The following GABRP variants were observed in gnomAD, a reference collection of about 807,000 sequenced individuals.
The protein encoded by GABRP is gamma-aminobutyric acid receptor subunit pi.
In GABRP, 52 loss-of-function variants were observed where a neutral mutation model predicts 47.8. That is an observed-to-expected ratio of 1.09 (90% CI 0.87 to 1.37). The LOEUF is 1.37. GABRP is among the 40% of genes most tolerant of loss of function. The pLI, the probability that GABRP is intolerant of heterozygous loss-of-function variation, is 0.00. For missense variants in GABRP, 525 were observed against 542.8 expected (o/e 0.97, Z 0.33); for synonymous variants, 221 against 205.8 (o/e 1.07, Z -0.63).
At chr5:170,797,422 A>G (rs777633313) in intron 5 of GABRP, 44 bp from the exon 6 acceptor site, 2 of 1,234,892 alleles carry the variant, frequency 1.6e-6, no homozygotes, top group Middle Eastern at 1.9e-4. Flanking sequence ...AACTTTCTAT[A>G]ACTTCCTCAC....
chr5:170,794,748 C>A (rs1361836416), intron 4 of GABRP, among the ~76,000 whole-genome samples: 1 of 151,912 alleles, frequency 6.6e-6, no homozygotes, highest in Non-Finnish European at 1.5e-5. Flanking sequence ...ATATTCGAGA[C>A]AAGGGCAAAC....
At chr5:170,809,891 C>T (rs922735109) in intron 9 of GABRP, 136 bp downstream of exon 9, 10 of 815,820 alleles carry the variant, frequency 1.2e-5, no homozygotes, top group Non-Finnish European at 2.0e-5. Context: ...TATCCTTGTT[C>T]AGGTGGGAGC....
intron 6 of GABRP, among the ~76,000 whole-genome samples, chr5:170,801,523 C>A (rs1765589886): frequency 6.6e-6 from 1 of 152,190 alleles, no homozygotes; most frequent in Non-Finnish European, 1.5e-5. Context: ...AGTTCCCTTG[C>A]ATTACCTAGG....
chr5:170,797,492 TG>T lies in GABRP; in HGVS notation c.487del (p.Asp163IlefsTer31). 6.2e-7 allele frequency: 1 copy of T among 1,612,736 alleles called. No individual in the cohort carries two copies. Among genetic ancestry groups the T allele is most frequent in the East Asian group, 2.2e-5 (1 of 44,880 alleles). On this transcript the variant is annotated frameshift_variant, in exon 6 of 10. Coordinates refer to ENST00000265294, the MANE Select transcript of GABRP (RefSeq NM_014211.3). LOFTEE classifies it high-confidence loss of function. ...LRITTTVACN[M>X]DLSKYPMDTQ... ...ATCACGACAACTGTTGCATGTAACA[TG>T]GATCTGTCTAAATACCCCATGGACA... is the stretch of plus-strand genomic sequence containing the variant.
rs1401021445 is a variant in GABRP at position 170,788,980 on chromosome 5, AAG to A, written c.54-145_54-144del. ...GATACTAACTCAATAGCTGAAAACT[AAG>A]AGATTTTTCTGTAGGAATGTCACTG... On this transcript the variant is annotated intron_variant, in intron 2 of 9. Coordinates refer to ENST00000265294, the MANE Select transcript of GABRP (RefSeq NM_014211.3). 6 of 700,394 alleles carry A rather than the reference AAG, an allele frequency of 8.6e-6. No individual in the cohort carries two copies. The African/African-American group carries it at 8.9e-5, about 10-fold the overall frequency. The allele number at this position is 700,394 out of a possible 1,614,324, so 43.4% of individuals were successfully genotyped here. A position where few individuals can be genotyped will look rare whatever the true frequency, so the allele number is the denominator to read the frequency against.
intron 1 of GABRP, among the ~76,000 whole-genome samples, chr5:170,787,959 C>T (rs1475092667): frequency 2.6e-5 from 4 of 152,158 alleles, no homozygotes; most frequent in Non-Finnish European, 5.9e-5. Flanking sequence ...AGCCTTGGCT[C>T]CCAGCAGATA....
chr5:170,786,585 A>G (rs1581585842), intron 1 of GABRP, among the ~76,000 whole-genome samples: 1 of 152,150 alleles, frequency 6.6e-6, no homozygotes, highest in Non-Finnish European at 1.5e-5. Flanking sequence ...TTCATGGTGC[A>G]CTCATTAAGA....
chr5:170,788,257 G>A, intron 1 of GABRP: 1 of 186,966 alleles, frequency 5.3e-6, no homozygotes, highest in South Asian at 1.6e-4. Context: ...GCTAAGGTTG[G>A]GAGCATCGCT....
intron 3 of GABRP, among the ~76,000 whole-genome samples, chr5:170,789,586 C>G (rs1372867186): frequency 6.6e-6 from 1 of 152,162 alleles, no homozygotes; most frequent in African/African-American, 2.4e-5. Flanking sequence ...CTGGTCTTCC[C>G]CCTCCAGCCT....
Position 170,811,919 on chromosome 5 carries a change from C to G in GABRP, c.1021-37C>G, listed in dbSNP as rs779458490. ...TACCTACTTATTTATTTTGCTGAGT[C>G]AAGTCTTTTAAGCTAACTGCATTGT... On this transcript the variant is annotated intron_variant, in intron 9 of 9. Transcript: ENST00000265294. The G allele has an allele frequency of 3.2e-6, 5 of 1,580,774 alleles. No individual in the cohort carries two copies. In the East Asian group the frequency reaches 1.1e-4, roughly 35 times the overall value.
intron 1 of GABRP, among the ~76,000 whole-genome samples, chr5:170,786,302 A>G (rs1217990682): frequency 6.6e-6 from 1 of 152,216 alleles, no homozygotes. Flanking sequence ...GTAGATTTAT[A>G]ATGTTGATTT....
intron 9 of GABRP, among the ~76,000 whole-genome samples, chr5:170,811,204 G>A (rs1581610339): frequency 6.8e-6 from 1 of 146,882 alleles, no homozygotes; most frequent in East Asian, 2.1e-4. Flanking sequence ...GGTAAAATTG[G>A]GATAATAATG....
At chr5:170,782,894 C>T (rs927642355), upstream of GABRP, 2 of 152,526 alleles carry the variant, frequency 1.3e-5, no homozygotes, top group East Asian at 1.9e-4. Context: ...GAATCCCTCC[C>T]CTTACCTGCA....
At chr5:170,785,732 C>T (rs142170143) in intron 1 of GABRP, among the ~76,000 whole-genome samples, 62 of 152,250 alleles carry the variant, frequency 4.1e-4, no homozygotes, top group Middle Eastern at 3.4e-3. Context: ...AGGGCCATTT[C>T]CTATAGGAGG....
intron 4 of GABRP, 183 bp downstream of exon 4, chr5:170,794,481 A>G (rs1044437117): frequency 4.9e-6 from 2 of 410,412 alleles, no homozygotes; most frequent in Non-Finnish European, 8.7e-6. Context: ...ATTCTTGTAG[A>G]GCAGATTTTC....
chr5:170,786,623 C>T (rs2127248055), intron 1 of GABRP, among the ~76,000 whole-genome samples: 1 of 152,234 alleles, frequency 6.6e-6, no homozygotes, highest in East Asian at 1.9e-4. Flanking sequence ...CTTAGATGTA[C>T]TTTTCTGCCC....
upstream of GABRP, among the ~76,000 whole-genome samples, chr5:170,783,147 C>T (rs1301313550): frequency 6.6e-6 from 1 of 152,120 alleles, no homozygotes; most frequent in Non-Finnish European, 1.5e-5. Context: ...TGTCTCCCCG[C>T]CTCCTCCTCC....
chr5:170,792,448 A>T (rs952256307), intron 3 of GABRP, among the ~76,000 whole-genome samples: 1 of 141,862 alleles, frequency 7.0e-6, no homozygotes, highest in Non-Finnish European at 1.6e-5. Flanking sequence ...ATCTCAAAAA[A>T]AAAAAGAAAG....
intron 1 of GABRP, among the ~76,000 whole-genome samples, chr5:170,784,902 T>C (rs897776407): frequency 2.0e-5 from 3 of 152,112 alleles, no homozygotes; most frequent in Non-Finnish European, 4.4e-5. Flanking sequence ...CTCAGGAGCC[T>C]CCTAGGGCCT....
Sources: allele counts gnomAD v4.1 joint callset (sites outside exome capture counted in the v4.1 genomes callset), GRCh38; gene constraint gnomAD v4.1.1; transcripts MANE v1.5; gene names NCBI Gene and HGNC (gene_info 2026-07-23, HGNC 2026-07-21).